RANBP2: variants seen among roughly 807,000 people sequenced by gnomAD.
The protein encoded by RANBP2 is E3 SUMO-protein ligase RanBP2.
Under a neutral mutation model 303.6 loss-of-function variants are expected in RANBP2, and 57 were observed. The ratio of observed to expected loss-of-function variants is 0.19; its 90% CI spans 0.15 to 0.23. RANBP2 has a LOEUF of 0.23. RANBP2 is among the 10% of genes least tolerant of loss of function. The pLI, the probability that RANBP2 is intolerant of heterozygous loss-of-function variation, is 1.00. For missense variants in RANBP2, 3,138 were observed against 3,780.8 expected, an observed-to-expected ratio of 0.83 and a Z score of 4.46; for synonymous variants, 1,167 against 1,301.5, an observed-to-expected ratio of 0.90 and a Z score of 2.23.
the RANBP2 span, among the ~76,000 whole-genome samples, chr2:109,282,177 C>T: frequency 6.6e-6 from 1 of 152,030 alleles, no homozygotes; most frequent in Non-Finnish European, 1.5e-5. Flanking sequence ...AGCTATTTTT[C>T]TTTTTATCTT....
chr2:109,091,441 T>G, the RANBP2 span, among the ~76,000 whole-genome samples: 1 of 152,268 alleles, frequency 6.6e-6, no homozygotes, highest in East Asian at 1.9e-4. Context: ...TTTCCTATCA[T>G]GTTAAAAACA....
chr2:109,118,621 G>A, the RANBP2 span, among the ~76,000 whole-genome samples: 1 of 151,998 alleles, frequency 6.6e-6, no homozygotes. Flanking sequence ...GTCAGGGTCT[G>A]TGGGCAGACC....
the RANBP2 span, chr2:109,667,156 A>G: frequency 3.2e-5 from 42 of 1,314,370 alleles, no homozygotes; most frequent in Non-Finnish European, 4.2e-5. Context: ...CATAAGAAAC[A>G]TTTTAATTCA....
the RANBP2 span, among the ~76,000 whole-genome samples, chr2:109,415,300 G>A: frequency 2.6e-5 from 4 of 152,358 alleles, no homozygotes; most frequent in African/African-American, 9.6e-5. Context: ...CCACGGTGTG[G>A]TGGCTAAGCA....
the RANBP2 span, chr2:109,503,820 T>C: frequency 6.6e-6 from 1 of 152,196 alleles, no homozygotes; most frequent in Admixed American, 6.5e-5. Context: ...CACGTGGTGC[T>C]TCAGGTAGAA....
chr2:108,760,343 T>A (rs2912834), intron 18 of RANBP2, among the ~76,000 whole-genome samples: 3 of 152,210 alleles, frequency 2.0e-5, no homozygotes, highest in African/African-American at 2.4e-5. Flanking sequence ...GCCTGTTTTT[T>A]AAATGTTACT....
the RANBP2 span, among the ~76,000 whole-genome samples, chr2:109,464,921 T>C: frequency 1.1e-4 from 16 of 152,198 alleles, no homozygotes; most frequent in Non-Finnish European, 1.2e-4. Flanking sequence ...CATTATAGTA[T>C]CATACAGGAT....
chr2:108,766,142 A>G lies in RANBP2; in HGVS notation c.5603A>G (p.Asn1868Ser). Residue 1868 changes from asparagine to serine, a missense_variant, in exon 20 of 29, where the codon AAT (asparagine) becomes AGT (serine). Transcript: ENST00000283195. ...GFKFGHVDQE[N>S]SPSFMFQGSS... The stretch of plus-strand genomic sequence containing the variant: ...AAATTTGGGCATGTGGATCAAGAAA[A>G]TTCACCTTCATTTATGTTTCAGGGT... 1 of 1,613,400 alleles carries G rather than the reference A, an allele frequency of 6.2e-7. No homozygotes were observed. The highest frequency in any genetic ancestry group is 2.2e-5 in the East Asian group (1 of 44,884).
the RANBP2 span, among the ~76,000 whole-genome samples, chr2:109,029,857 A>C: frequency 6.6e-6 from 1 of 152,238 alleles, no homozygotes; most frequent in Non-Finnish European, 1.5e-5. Flanking sequence ...AGACATCCTT[A>C]GCCTTCAGGG....
At chr2:108,856,355 C>G in the RANBP2 span, among the ~76,000 whole-genome samples, 3 of 152,158 alleles carry the variant, frequency 2.0e-5, no homozygotes, top group Non-Finnish European at 4.4e-5. Context: ...ATCCATTTAG[C>G]ACGTTTGTAT....
chr2:109,180,197 C>T, the RANBP2 span, among the ~76,000 whole-genome samples: 1 of 151,994 alleles, frequency 6.6e-6, no homozygotes, highest in African/African-American at 2.4e-5. Flanking sequence ...CCTGTGCTGC[C>T]ACTGAACCAC....
the RANBP2 span, among the ~76,000 whole-genome samples, chr2:109,377,842 G>A: frequency 6.6e-6 from 1 of 152,252 alleles, no homozygotes; most frequent in Non-Finnish European, 1.5e-5. Context: ...CTTTTACAAA[G>A]AGAGGCTATT....
the RANBP2 span, among the ~76,000 whole-genome samples, chr2:109,421,612 G>A: frequency 6.6e-6 from 1 of 152,192 alleles, no homozygotes; most frequent in African/African-American, 2.4e-5. Flanking sequence ...CTGGGGGACA[G>A]GGTTGCTGTG....
the RANBP2 span, among the ~76,000 whole-genome samples, chr2:109,365,570 T>C: frequency 6.6e-6 from 1 of 152,186 alleles, no homozygotes; most frequent in African/African-American, 2.4e-5. Flanking sequence ...CGTTCTAGAC[T>C]GGGAGCCGGA....
At chr2:109,091,242 A>G in the RANBP2 span, among the ~76,000 whole-genome samples, 4 of 152,122 alleles carry the variant, frequency 2.6e-5, no homozygotes, top group South Asian at 4.1e-4. Context: ...AATAAATAAA[A>G]TAAAATAAAA....
the RANBP2 span, among the ~76,000 whole-genome samples, chr2:109,006,482 CCG>C: frequency 6.6e-6 from 1 of 152,146 alleles, no homozygotes; most frequent in African/African-American, 2.4e-5. Context: ...GCATGAGCCA[CCG>C]CGCCGGCCCT....
chr2:109,499,011 T>C, the RANBP2 span, among the ~76,000 whole-genome samples: 1 of 152,104 alleles, frequency 6.6e-6, no homozygotes, highest in Non-Finnish European at 1.5e-5. Flanking sequence ...GTTTAGACTG[T>C]GGCCCCTCCT....
intron 4 of RANBP2, chr2:108,731,961 G>C (rs1196061072): frequency 6.1e-6 from 1 of 164,370 alleles, no homozygotes; most frequent in Non-Finnish European, 1.3e-5. Flanking sequence ...ATGGTAGGAA[G>C]TTCTTGCTAG....
the RANBP2 span, among the ~76,000 whole-genome samples, chr2:109,007,785 TTAGAGA>T: frequency 2.0e-5 from 3 of 152,236 alleles, no homozygotes; most frequent in Admixed American, 1.3e-4. Context: ...CTGTGCGTTC[TTAGAGA>T]TAAAGATTGG....
Sources: gnomAD v4.1 joint callset for allele counts (sites outside exome capture counted in the v4.1 genomes callset) on GRCh38, gnomAD v4.1.1 for gene constraint, MANE v1.5 for transcripts, NCBI Gene and HGNC (gene_info 2026-07-23, HGNC 2026-07-21) for gene names.